Variants in SPATA31H1 observed in about 807,000 individuals in gnomAD.
The protein encoded by SPATA31H1 is SPATA31 subfamily H member 1, also known as spermatogenesis-associated protein 31H1.
the SPATA31H1 span, chr2:27,570,225 T>C: frequency 1.0e-5 from 4 of 398,688 alleles, no homozygotes; most frequent in Admixed American, 4.4e-5. Context: ...AGAGTCATCT[T>C]TGCAGTCAAG....
the SPATA31H1 span, among the ~76,000 whole-genome samples, chr2:27,562,637 AGCACTTT>A: frequency 6.6e-6 from 1 of 151,376 alleles, no homozygotes; most frequent in Non-Finnish European, 1.5e-5. Context: ...CTGTAATCCT[AGCACTTT>A]GGGAGGCCGA....
the SPATA31H1 span, among the ~76,000 whole-genome samples, chr2:27,552,907 T>G: frequency 7.9e-5 from 12 of 152,272 alleles, no homozygotes; most frequent in Middle Eastern, 0.01. Flanking sequence ...ATATTCTGTA[T>G]GTAAGATGTG....
At chr2:27,578,805 A>G in the SPATA31H1 span, 1 of 1,614,200 alleles carries the variant, frequency 6.2e-7, no homozygotes, top group Non-Finnish European at 8.5e-7. Flanking sequence ...AAGCTCTGTC[A>G]GAACAGCATC....
the SPATA31H1 span, chr2:27,566,061 A>C: frequency 1.4e-6 from 1 of 717,392 alleles, no homozygotes; most frequent in Non-Finnish European, 2.6e-6. Flanking sequence ...GTGGGAAGAA[A>C]ACCTCAGGAT....
chr2:27,574,183 T>C, the SPATA31H1 span: 68 of 398,500 alleles, frequency 1.7e-4, no homozygotes, highest in African/African-American at 1.3e-3. Context: ...GTGAAATTAA[T>C]GGAATGCAAC....
chr2:27,577,788 ACCTGT>A, the SPATA31H1 span: 1 of 1,614,146 alleles, frequency 6.2e-7, no homozygotes, highest in Non-Finnish European at 8.5e-7. This position sits in a 1 kb window ranked among gnomAD's most constrained non-coding sequence, Gnocchi z 4.5. Flanking sequence ...TGTAAATCTG[ACCTGT>A]AAGCAATGGC....
the SPATA31H1 span, among the ~76,000 whole-genome samples, chr2:27,565,876 T>C: frequency 6.6e-6 from 1 of 152,230 alleles, no homozygotes; most frequent in Non-Finnish European, 1.5e-5. Flanking sequence ...GTATGGCTTT[T>C]TGAAAAATCT....
At chr2:27,544,637 C>T in the SPATA31H1 span, among the ~76,000 whole-genome samples, 1 of 150,498 alleles carries the variant, frequency 6.6e-6, no homozygotes, top group East Asian at 2.0e-4. Context: ...CAGATTCAAG[C>T]GATTCTCTTG....
the SPATA31H1 span, chr2:27,577,643 A>G: frequency 6.2e-7 from 1 of 1,614,134 alleles, no homozygotes; most frequent in Non-Finnish European, 8.5e-7. This position sits in a 1 kb window ranked among gnomAD's most constrained non-coding sequence, Gnocchi z 4.5. Flanking sequence ...TAGGACATCG[A>G]GTTCCTGAAT....
the SPATA31H1 span, among the ~76,000 whole-genome samples, chr2:27,549,950 C>T: frequency 6.6e-6 from 1 of 151,928 alleles, no homozygotes; most frequent in Non-Finnish European, 1.5e-5. Flanking sequence ...AGCAACCATA[C>T]CCAGCCTTAA....
At chr2:27,576,941 T>G in the SPATA31H1 span, 25 of 1,614,064 alleles carry the variant, frequency 1.5e-5, no homozygotes, top group Non-Finnish European at 2.0e-5. Flanking sequence ...AACTAATCCC[T>G]AGACCAGGGC....
the SPATA31H1 span, chr2:27,572,571 C>A: frequency 2.3e-5 from 9 of 398,092 alleles, no homozygotes; most frequent in Admixed American, 2.2e-4. Flanking sequence ...AGGACCACAG[C>A]TGCAAAAAGG....
At chr2:27,541,975 T>A in the SPATA31H1 span, among the ~76,000 whole-genome samples, 1 of 151,956 alleles carries the variant, frequency 6.6e-6, no homozygotes, top group African/African-American at 2.4e-5. Context: ...GGTATCGCCA[T>A]GGTGCCCAGC....
chr2:27,565,983 A>ATCATTTG, the SPATA31H1 span: 1 of 714,594 alleles, frequency 1.4e-6, no homozygotes, highest in East Asian at 2.7e-5. Context: ...AGGGGGTTGG[A>ATCATTTG]CAAAATGATC....
chr2:27,566,372 T>C, the SPATA31H1 span: 1 of 717,290 alleles, frequency 1.4e-6, no homozygotes, highest in African/African-American at 1.7e-5. Flanking sequence ...TTCCGATACC[T>C]AGAAAGCGCA....
the SPATA31H1 span, among the ~76,000 whole-genome samples, chr2:27,554,747 T>C: frequency 3.2e-4 from 49 of 152,114 alleles, 1 homozygote; most frequent in African/African-American, 1.2e-3. Context: ...CTAATTTTTG[T>C]ATTTTTAGTA....
the SPATA31H1 span, chr2:27,581,019 A>G: frequency 6.2e-7 from 1 of 1,614,208 alleles, no homozygotes. Flanking sequence ...AAAGGACAGT[A>G]GTAGCAGATC....
At chr2:27,572,758 G>A in the SPATA31H1 span, 1 of 396,298 alleles carries the variant, frequency 2.5e-6, no homozygotes, top group East Asian at 3.6e-5. Flanking sequence ...GTCAAACCTG[G>A]AGAGTCGAAA....
At chr2:27,575,800 C>T in the SPATA31H1 span, 5 of 398,242 alleles carry the variant, frequency 1.3e-5, no homozygotes, top group African/African-American at 8.2e-5. The surrounding 1 kb of genome is among the most constrained non-coding windows in gnomAD (Gnocchi z 4.1). Context: ...GTGAATTCTG[C>T]ATTCATTCCA....
Sources: gnomAD v4.1 joint callset for allele counts (sites outside exome capture counted in the v4.1 genomes callset) on GRCh38, gnomAD v4.1.1 for gene constraint, Gnocchi (gnomAD v3.1) non-coding constraint, MANE v1.5 for transcripts, NCBI Gene and HGNC (gene_info 2026-07-23, HGNC 2026-07-21) for gene names.